Variants in HIF1A observed in about 807,000 individuals in gnomAD.
HIF1A encodes hypoxia-inducible factor 1-alpha.
HIF1A carries 24 observed loss-of-function variants against 92.7 expected under a neutral mutation model. The observed-to-expected ratio is 0.26, with a 90% CI of 0.19 to 0.36. HIF1A has a LOEUF of 0.36. Ranked by LOEUF, HIF1A falls within the 10% of genes least tolerant of loss-of-function variation. The probability of loss-of-function intolerance (pLI) is 1.00; values close to 1 mark genes in which losing one functional copy is unlikely to be tolerated. For missense variants in HIF1A, 799 were observed against 998.5 expected, an observed-to-expected ratio of 0.80 and a Z score of 2.69; for synonymous variants, 319 against 338.7, an observed-to-expected ratio of 0.94 and a Z score of 0.64.
intron 7 of HIF1A, among the ~76,000 whole-genome samples, chr14:61,733,042 G>A (rs2044595103): frequency 6.6e-6 from 1 of 152,090 alleles, no homozygotes; most frequent in African/African-American, 2.4e-5. Flanking sequence ...TATCTTGTGT[G>A]ACAAACAATC....
chr14:61,744,910 A>T lies in HIF1A; in HGVS notation c.2202+97A>T, dbSNP rs748018371. 1.7e-5 allele frequency: 9 copies of T among 537,112 alleles called. No individual in the cohort carries two copies. The Admixed American group carries it at 2.9e-4, about 17-fold the overall frequency. 33.3% of individuals were successfully genotyped at this position (537,112 alleles called of 1,614,324 possible). A position where few individuals can be genotyped will look rare whatever the true frequency, so the allele number is the denominator to read the frequency against. ...GTGTGTGTGTTTCCACGTTTCTTCC[A>T]AATAGTAAAGTTATATTTTCAGAAG... On this transcript the variant is annotated intron_variant, in intron 13 of 14. Transcript: ENST00000337138.
Position 61,727,610 on chromosome 14 carries a change from T to C in HIF1A, c.728T>C (p.Leu243Pro). ...IEIPLDSKTFLSRHSLDMKFS... is the reference protein window; with the variant it reads ...IEIPLDSKTFPSRHSLDMKFS... ...ATTCCTTTAGATAGCAAGACTTTCC[T>C]CAGTCGACACAGCCTGGATATGAAA... Residue 243 changes from leucine (L) to proline (P), a missense_variant, in exon 6 of 15, where the codon CTC (leucine) becomes CCC (proline). Leu to Pro is a moderately conservative substitution (Grantham distance 98, BLOSUM62 -3). Transcript: ENST00000337138. The C allele has an allele frequency of 6.2e-7, 1 of 1,613,810 alleles. No homozygotes were observed. The highest frequency in any genetic ancestry group is 8.5e-7 in the Non-Finnish European group (1 of 1,179,726).
Position 61,726,775 on chromosome 14 carries a change from C to A in HIF1A, c.527C>A (p.Thr176Asn). 1 of 1,609,178 alleles carries A rather than the reference C, an allele frequency of 6.2e-7. No homozygotes were observed. The highest frequency in any genetic ancestry group is 8.5e-7 in the Non-Finnish European group (1 of 1,177,810). ...TTTCTCAGAATGAAGTGTACCCTAACTAGCCGAGGAAGAACTATGAACATA... is the reference window on the plus strand; with the variant it reads ...TTTCTCAGAATGAAGTGTACCCTAAATAGCCGAGGAAGAACTATGAACATA... ...SFFLRMKCTL[T>N]SRGRTMNIKS... The change falls in exon 5 of 15, where the codon ACT becomes AAT. Residue 176 changes from threonine (T) to asparagine (N), a missense_variant. By Grantham distance (65) the Thr-to-Asn change is moderately conservative. Transcript: ENST00000337138.
intron 1 of HIF1A, among the ~76,000 whole-genome samples, chr14:61,710,382 G>T (rs2044293079): frequency 6.6e-6 from 1 of 152,088 alleles, no homozygotes; most frequent in Non-Finnish European, 1.5e-5. Flanking sequence ...TTTGTTTATT[G>T]CACCGTGTCC....
chr14:61,718,736 T>C (rs1289338686), intron 1 of HIF1A, among the ~76,000 whole-genome samples: 1 of 151,960 alleles, frequency 6.6e-6, no homozygotes, highest in Non-Finnish European at 1.5e-5. Context: ...ATATAACTAG[T>C]TATAGTTCAT....
chr14:61,739,097 G>A (rs564818740), intron 10 of HIF1A, among the ~76,000 whole-genome samples: 200 of 152,248 alleles, frequency 1.3e-3, no homozygotes, highest in Admixed American at 5.2e-3. Context: ...ATAGACTTAC[G>A]AGGGTTTAAA....
chr14:61,741,706 C>G (rs1019081598), intron 12 of HIF1A, among the ~76,000 whole-genome samples: 2 of 152,116 alleles, frequency 1.3e-5, no homozygotes, highest in African/African-American at 4.8e-5. Flanking sequence ...CTAAAATTAC[C>G]TATCTAAATG....
chr14:61,711,207 C>CTTTTTTTTTTTTTTTTTTTTTTT (rs10615564), intron 1 of HIF1A, among the ~76,000 whole-genome samples: 3 of 86,124 alleles, frequency 3.5e-5, no homozygotes, highest in African/African-American at 1.3e-4. Flanking sequence ...TTAAGTATTC[C>CTTTTTTTTTTTTTTTTTTTTTTT]TTTTTTTTTT....
At chr14:61,715,947 TTA>T (rs1476660570) in intron 1 of HIF1A, 4 of 152,160 alleles carry the variant, frequency 2.6e-5, no homozygotes, top group African/African-American at 9.7e-5. Flanking sequence ...TGCAGTGAGC[TTA>T]TGATCATGCC....
At chr14:61,700,342 A>G (rs114008316) in intron 1 of HIF1A, among the ~76,000 whole-genome samples, 157 of 152,124 alleles carry the variant, frequency 1.0e-3, no homozygotes, top group African/African-American at 3.6e-3. Context: ...CCACCATTTT[A>G]CTTTCTGTTT....
At chr14:61,729,964 A>G (rs1019637703) in intron 6 of HIF1A, among the ~76,000 whole-genome samples, 36 of 152,194 alleles carry the variant, frequency 2.4e-4, no homozygotes, top group Admixed American at 2.4e-3. Flanking sequence ...ATTTTGCTCA[A>G]TTTTAAGAAA....
intron 13 of HIF1A, 75 bp downstream of exon 13, chr14:61,744,888 TG>T (rs2044759185): frequency 1.7e-5 from 11 of 637,632 alleles, no homozygotes; most frequent in Non-Finnish European, 2.8e-5. Flanking sequence ...TGTGTGTGTG[TG>T]TGTGTTTCCA....
intron 4 of HIF1A, among the ~76,000 whole-genome samples, chr14:61,724,679 T>C (rs73331641): frequency 0.03 from 4,511 of 152,254 alleles, 97 homozygotes; most frequent in Non-Finnish European, 0.035. Context: ...AGCATTACAG[T>C]TTCCAGATTT....
At position 61,741,050 on chromosome 14, in the gene HIF1A, C is replaced by T. The variant is rs763946371; in HGVS notation, c.1955C>T (p.Thr652Ile). 1 of 1,614,068 alleles carries T rather than the reference C, an allele frequency of 6.2e-7. No homozygotes were observed. The highest frequency in any genetic ancestry group is 1.1e-5 in the South Asian group (1 of 91,080). ...CCTACCCACATACATAAAGAAACTA[C>T]TAGTGCCACATCATCACCATATAGA... The part of the protein sequence containing the change: ...PSPTHIHKET[T>I]SATSSPYRDT... The change falls in exon 12 of 15, where the codon ACT (threonine) becomes ATT (isoleucine). Residue 652 changes from threonine to isoleucine, a missense_variant. Thr to Ile is a moderately conservative substitution (Grantham distance 89). Coordinates refer to ENST00000337138, the MANE Select transcript of HIF1A (RefSeq NM_001530.4).
chr14:61,704,487 T>G (rs1440337391), intron 1 of HIF1A, among the ~76,000 whole-genome samples: 1 of 152,290 alleles, frequency 6.6e-6, no homozygotes, highest in East Asian at 1.9e-4. Flanking sequence ...AGGGGGAAAT[T>G]AAGAAAGCCT....
chr14:61,695,685 G>A lies in HIF1A; in HGVS notation c.-120G>A. 1.8e-6 allele frequency: 2 copies of A among 1,082,702 alleles called. No individual in the cohort carries two copies. Among genetic ancestry groups the A allele is most frequent in the East Asian group, 2.9e-5 (1 of 35,030 alleles). The allele number at this position is 1,082,702 out of a possible 1,614,324, so 67.1% of individuals were successfully genotyped here. ...AGTCTCACGAGGGGTTTCCCGCCTC[G>A]CACCCCCACCTCTGGACTTGCCTTT... is the stretch of plus-strand genomic sequence containing the variant. On this transcript the variant is annotated 5_prime_UTR_variant, in exon 1 of 15. Coordinates refer to ENST00000337138, the MANE Select transcript of HIF1A (RefSeq NM_001530.4).
chr14:61,722,244 C>T (rs1351149481), intron 4 of HIF1A, among the ~76,000 whole-genome samples: 1 of 151,978 alleles, frequency 6.6e-6, no homozygotes, highest in African/African-American at 2.4e-5. Flanking sequence ...GCTACCATGC[C>T]CAGCTAAATT....
At chr14:61,696,586 C>T (rs2044119604) in intron 1 of HIF1A, among the ~76,000 whole-genome samples, 2 of 152,126 alleles carry the variant, frequency 1.3e-5, no homozygotes, top group South Asian at 4.1e-4. Flanking sequence ...TTAAAGAGAA[C>T]TTCAGAATTG....
At chr14:61,707,868 T>TG (rs2044259338) in intron 1 of HIF1A, among the ~76,000 whole-genome samples, 1 of 151,970 alleles carries the variant, frequency 6.6e-6, no homozygotes, top group Admixed American at 6.6e-5. Context: ...TCTAGATCCC[T>TG]GAGGAATCGC....
Sources: allele counts gnomAD v4.1 joint callset (sites outside exome capture counted in the v4.1 genomes callset), GRCh38; gene constraint gnomAD v4.1.1; transcripts MANE v1.5; gene names NCBI Gene and HGNC (gene_info 2026-07-23, HGNC 2026-07-21).